Variants in CNTN2 observed in about 807,000 individuals in gnomAD.
CNTN2 encodes contactin 2.
Under a neutral mutation model 117.5 loss-of-function variants are expected in CNTN2, and 53 were observed. The ratio of observed to expected loss-of-function variants is 0.45; its 90% CI spans 0.36 to 0.57. The LOEUF is 0.57. Ranked by LOEUF, CNTN2 falls within the 20% of genes least tolerant of loss-of-function variation. CNTN2 has a pLI of 0.00. For missense variants in CNTN2, 1,106 were observed against 1,404.3 expected, an observed-to-expected ratio of 0.79 and a Z score of 3.39; for synonymous variants, 530 against 561.7, an observed-to-expected ratio of 0.94 and a Z score of 0.80.
chr1:205,070,665 T>A (rs1654547371), intron 19 of CNTN2, 127 bp downstream of exon 19: 1 of 690,524 alleles, frequency 1.4e-6, no homozygotes, highest in Non-Finnish European at 2.6e-6. Flanking sequence ...AAACTGAGCA[T>A]CCAGTCTGTG....
intron 12 of CNTN2, 152 bp from the exon 13 acceptor site, chr1:205,064,935 C>T: frequency 1.7e-6 from 2 of 1,161,688 alleles, no homozygotes; most frequent in South Asian, 1.4e-5. Flanking sequence ...GCCTGCCACA[C>T]ACTCATGCAG....
Position 205,074,435 on chromosome 1 carries a change from G to C in CNTN2, c.*670G>C, listed in dbSNP as rs943439823. ...GGCTGTTTGGGGTGGGAGCCAAAAA[G>C]AGTTGAGAGGCCAGGGCCCTTGGTG... On this transcript the variant is annotated 3_prime_UTR_variant, in exon 23 of 23. Coordinates refer to ENST00000331830, the MANE Select transcript of CNTN2 (RefSeq NM_005076.5). 3 of 399,032 alleles carry C rather than the reference G, an allele frequency of 7.5e-6. 1 individual carries two copies. The highest frequency in any genetic ancestry group is 2.7e-4 in the South Asian group (2 of 7,494). 24.7% of individuals were successfully genotyped at this position (399,032 alleles called of 1,614,324 possible).
Position 205,065,009 on chromosome 1 carries a change from C to A in CNTN2, c.1520-78C>A. 1.3e-6 allele frequency: 2 copies of A among 1,482,384 alleles called. No individual in the cohort carries two copies. Among genetic ancestry groups the A allele is most frequent in the Non-Finnish European group, 1.9e-6 (2 of 1,079,574 alleles). The allele number at this position is 1,482,384 out of a possible 1,614,324, so 91.8% of individuals were successfully genotyped here. A position where few individuals can be genotyped will look rare whatever the true frequency, so the allele number is the denominator to read the frequency against. ...CTCTTTGCTGGGCCTTAGGACAGAG[C>A]CTCTCAGCCTGCCCTGCGGACCCGG... On this transcript the variant is annotated intron_variant, in intron 12 of 22. Transcript: ENST00000331830. The surrounding 1 kb of genome is among the most constrained non-coding windows in gnomAD (Gnocchi z 4.1).
At position 205,059,409 on chromosome 1, in the gene CNTN2, C is replaced by A; in HGVS notation, c.697+116C>A. On this transcript the variant is annotated intron_variant, in intron 6 of 22. Transcript: ENST00000331830. This position sits in a 1 kb window ranked among gnomAD's most constrained non-coding sequence, Gnocchi z 5.6. Reference sequence around the variant, plus strand: ...CAGCTTGCAGGGCACTGATTCCAGGCCCTGGACCCCCAGATCCTCCTGCTT... The same window carrying A: ...CAGCTTGCAGGGCACTGATTCCAGGACCTGGACCCCCAGATCCTCCTGCTT... The A allele has an allele frequency of 2.5e-6, 3 of 1,201,260 alleles. No individual in the cohort carries two copies. Among genetic ancestry groups the A allele is most frequent in the Non-Finnish European group, 3.6e-6 (3 of 840,330 alleles). 74.4% of individuals were successfully genotyped at this position (1,201,260 alleles called of 1,614,324 possible).
rs1181826071 is a variant in CNTN2, at chr1:205,064,632, A to G, written c.1401A>G (p.Val467=). The part of the protein sequence containing the change: ...EILVNSSRVT[V]TPDGTLIIRN... Reference sequence around the variant, plus strand: ...CTTGTCCTTGCCACAGAGTGACTGTAACTCCAGATGGCACCTTGATCATAA... The same window carrying G: ...CTTGTCCTTGCCACAGAGTGACTGTGACTCCAGATGGCACCTTGATCATAA... Residue 467 remains valine, a synonymous_variant, in exon 12 of 23, where the codon GTA becomes GTG. Coordinates refer to ENST00000331830, the MANE Select transcript of CNTN2 (RefSeq NM_005076.5). 7 of 1,613,974 alleles carry G rather than the reference A, an allele frequency of 4.3e-6. No homozygotes were observed. Among genetic ancestry groups the G allele is most frequent in the Non-Finnish European group, 5.9e-6 (7 of 1,179,984 alleles).
Position 205,073,196 on chromosome 1 carries a change from G to A in CNTN2, c.2973G>A (p.Gly991=). The A allele has an allele frequency of 6.2e-7, 1 of 1,614,084 alleles. No homozygotes were observed. The highest frequency in any genetic ancestry group is 8.5e-7 in the Non-Finnish European group (1 of 1,180,018). ...AAATTCGGACCACAGGGCCCGGAGGGGATGGGATCCCTGCAGAAGTCCACA... is the reference window on the plus strand; with the variant it reads ...AAATTCGGACCACAGGGCCCGGAGGAGATGGGATCCCTGCAGAAGTCCACA... ...LVQIRTTGPG[G]DGIPAEVHIV... Residue 991 remains glycine (G), a synonymous_variant, in exon 22 of 23, where the codon GGG becomes GGA. Transcript: ENST00000331830. This position sits in a 1 kb window ranked among gnomAD's most constrained non-coding sequence, Gnocchi z 6.3.
Position 205,073,042 on chromosome 1 carries a change from T to C in CNTN2, c.2845-26T>C. 1.2e-6 allele frequency: 2 copies of C among 1,613,022 alleles called. No individual in the cohort carries two copies. Among genetic ancestry groups the C allele is most frequent in the Non-Finnish European group, 1.7e-6 (2 of 1,179,490 alleles). ...ACGATCAGCCCTGGTGTCAGGAAAC[T>C]CCACCTGGAAACCTCCTTCCCACAG... On this transcript the variant is annotated intron_variant, in intron 21 of 22. Coordinates refer to ENST00000331830, the MANE Select transcript of CNTN2 (RefSeq NM_005076.5). The surrounding 1 kb of genome is among the most constrained non-coding windows in gnomAD (Gnocchi z 6.3).
rs759748048 is a variant in CNTN2 at position 205,061,904 on chromosome 1, C to T, written c.1013C>T (p.Ala338Val). 6.9e-6 allele frequency: 11 copies of T among 1,587,404 alleles called. No individual in the cohort carries two copies. The highest frequency in any genetic ancestry group is 2.3e-5 in the South Asian group (2 of 87,560). Residue 338 changes from alanine (A) to valine (V), a missense_variant, in exon 9 of 23, where the codon GCT becomes GTT. Coordinates refer to ENST00000331830, the MANE Select transcript of CNTN2 (RefSeq NM_005076.5). This position sits in a 1 kb window ranked among gnomAD's most constrained non-coding sequence, Gnocchi z 4.8. ...EWLKVISDTEADIGSNLRWGC... is the reference protein window; with the variant it reads ...EWLKVISDTEVDIGSNLRWGC... Reference sequence around the variant, plus strand: ...CTAAAAGTGATCTCGGACACAGAGGCTGACATTGGCTCCAACCTGCGTTGG... The same window carrying T: ...CTAAAAGTGATCTCGGACACAGAGGTTGACATTGGCTCCAACCTGCGTTGG...
In CNTN2 at chr1:205,066,502, C is replaced by A. The variant is rs1486789598; in HGVS notation, c.1878C>A (p.Leu626=). The A allele has an allele frequency of 1.2e-6, 2 of 1,613,952 alleles. No homozygotes were observed. The highest frequency in any genetic ancestry group is 1.7e-6 in the Non-Finnish European group (2 of 1,180,046). The stretch of plus-strand genomic sequence containing the variant: ...ACATTGGCGACACCACCATCCAGCT[C>A]AGCTGGAGCCGTGGCTTCGACAACC... ...VRDIGDTTIQ[L]SWSRGFDNHS... is the part of the protein sequence containing the mutation. The change falls in exon 15 of 23, where the codon CTC becomes CTA. Residue 626 remains leucine (L), a synonymous_variant. Coordinates refer to ENST00000331830, the MANE Select transcript of CNTN2 (RefSeq NM_005076.5).
chr1:205,044,886 G>T (rs963538239), intron 1 of CNTN2, among the ~76,000 whole-genome samples: 2 of 152,286 alleles, frequency 1.3e-5, no homozygotes, highest in Admixed American at 1.3e-4. Flanking sequence ...CAGCATCCAA[G>T]CCCCTCCCCA....
intron 1 of CNTN2, among the ~76,000 whole-genome samples, chr1:205,049,281 GACACACACACAC>G (rs3835569): frequency 0.021 from 2,493 of 120,716 alleles, 85 homozygotes; most frequent in African/African-American, 0.071. Context: ...CCTCACACCC[GACACACACACAC>G]ACACACACAC....
intron 21 of CNTN2, 80 bp downstream of exon 21, chr1:205,072,675 T>C (rs1030978568): frequency 4.4e-5 from 47 of 1,059,930 alleles, no homozygotes; most frequent in Non-Finnish European, 6.7e-5. Flanking sequence ...AGCAGCAATT[T>C]ATAGCAAGAG....
rs764258478 is a variant in CNTN2, at chr1:205,064,584, A to T, written c.1392-39A>T. ...GAGTTGGCCAGCCCCAGGGACAACC[A>T]TGCCTGAGTTGGCCACATCTGCCTT... On this transcript the variant is annotated intron_variant, in intron 11 of 22. Transcript: ENST00000331830. The T allele has an allele frequency of 5.0e-6, 8 of 1,608,044 alleles. No individual in the cohort carries two copies. The Admixed American group carries it at 1.3e-4, about 27-fold the overall frequency.
In CNTN2 at chr1:205,066,520, C is replaced by T. The variant is rs145918837; in HGVS notation, c.1896C>T (p.Phe632=). ...TCCAGCTCAGCTGGAGCCGTGGCTT[C>T]GACAACCACAGCCCCATCGCTAAGT... ...TTIQLSWSRG[F]DNHSPIAKYT... Residue 632 remains phenylalanine (F), a synonymous_variant, in exon 15 of 23, where the codon TTC becomes TTT. Coordinates refer to ENST00000331830, the MANE Select transcript of CNTN2 (RefSeq NM_005076.5). 521 of 1,614,098 alleles carry T rather than the reference C, an allele frequency of 3.2e-4. 1 individual carries two copies. In the African/African-American group the frequency reaches 5.5e-3, roughly 17 times the overall value.
In CNTN2 at chr1:205,058,709, C is replaced by A; in HGVS notation, c.487+46C>A. On this transcript the variant is annotated intron_variant, in intron 5 of 22. Coordinates refer to ENST00000331830, the MANE Select transcript of CNTN2 (RefSeq NM_005076.5). This position sits in a 1 kb window ranked among gnomAD's most constrained non-coding sequence, Gnocchi z 4.3. ...AGGGTTAGAGAGGGCACAGGAAGGG[C>A]TTCCAGATGCTTGGCAGAGGAAGGA... 1 of 1,437,052 alleles carries A rather than the reference C, an allele frequency of 7.0e-7. No individual in the cohort carries two copies. The highest frequency in any genetic ancestry group is 9.7e-7 in the Non-Finnish European group (1 of 1,034,780). The allele number at this position is 1,437,052 out of a possible 1,614,324, so 89.0% of individuals were successfully genotyped here.
intron 10 of CNTN2, chr1:205,063,081 G>A (rs565760196): frequency 6.6e-6 from 1 of 152,314 alleles, no homozygotes; most frequent in Non-Finnish European, 1.5e-5. Context: ...TGAGCTCACT[G>A]AGCCTCAGTT....
rs1285178756 is a variant in CNTN2 at position 205,043,269 on chromosome 1, G to T, written c.-212G>T. 6.5e-6 allele frequency: 1 copy of T among 152,790 alleles called. No homozygotes were observed. The highest frequency in any genetic ancestry group is 2.0e-4 in the South Asian group (1 of 5,128). 9.5% of individuals were successfully genotyped at this position (152,790 alleles called of 1,614,324 possible). On this transcript the variant is annotated 5_prime_UTR_variant, in exon 1 of 23. Transcript: ENST00000331830. ...GCGGCCGCCGCCGCACCCGGACAGC[G>T]AGCGGCTGAGGCCGCCAGGGCCCAA...
At chr1:205,072,673 T>G in intron 21 of CNTN2, 78 bp downstream of exon 21, 1 of 1,090,294 alleles carries the variant, frequency 9.2e-7, no homozygotes, top group East Asian at 2.4e-5. Context: ...GCAGCAGCAA[T>G]TTATAGCAAG....
chr1:205,058,029 C>T lies in CNTN2; in HGVS notation c.179C>T (p.Ala60Val). Reference protein sequence around the residue: ...EESTEEQVLLACRARASPPAT... With the variant: ...EESTEEQVLLVCRARASPPAT... The stretch of plus-strand genomic sequence containing the variant: ...TCCACGGAGGAGCAGGTGTTGCTGG[C>T]ATGCCGCGCCCGGGCCAGCCCTCCA... Residue 60 changes from alanine to valine, a missense_variant, in exon 3 of 23, where the codon GCA becomes GTA. Transcript: ENST00000331830. The surrounding 1 kb of genome is among the most constrained non-coding windows in gnomAD (Gnocchi z 4.3). 6.2e-7 allele frequency: 1 copy of T among 1,613,920 alleles called. No homozygotes were observed. The highest frequency in any genetic ancestry group is 8.5e-7 in the Non-Finnish European group (1 of 1,179,944).
Sources: allele counts gnomAD v4.1 joint callset (sites outside exome capture counted in the v4.1 genomes callset), GRCh38; gene constraint gnomAD v4.1.1; non-coding constraint Gnocchi (gnomAD v3.1); transcripts MANE v1.5; gene names NCBI Gene and HGNC (gene_info 2026-07-23, HGNC 2026-07-21).